HS2ST1: variants seen among roughly 807,000 people sequenced by gnomAD.
HS2ST1 encodes heparan sulfate 2-O-sulfotransferase 1.
Under a neutral mutation model 42.9 loss-of-function variants are expected in HS2ST1, and 18 were observed. The observed-to-expected ratio is 0.42, with a 90% CI of 0.29 to 0.62. The LOEUF is 0.62. Among genes scored for constraint, HS2ST1 ranks in the 20% least tolerant of loss-of-function variants. HS2ST1 has a pLI of 0.21. For synonymous variants in HS2ST1, 146 were observed against 152.9 expected (o/e 0.95, Z 0.33); for missense variants, 334 against 433.8 (o/e 0.77, Z 2.04).
intron 1 of HS2ST1, among the ~76,000 whole-genome samples, chr1:86,922,650 T>G (rs1660324672): frequency 6.6e-6 from 1 of 152,232 alleles, no homozygotes; most frequent in Non-Finnish European, 1.5e-5. Flanking sequence ...TTAAAGATAT[T>G]GCTTCATTGT....
chr1:86,956,412 C>A (rs531005334), intron 1 of HS2ST1: 1 of 152,166 alleles, frequency 6.6e-6, no homozygotes, highest in African/African-American at 2.4e-5. Context: ...CCTCAAAGTT[C>A]TTTAAAACAG....
intron 1 of HS2ST1, among the ~76,000 whole-genome samples, chr1:86,922,035 G>A (rs7534276): frequency 0.029 from 4,381 of 152,120 alleles, 225 homozygotes; most frequent in African/African-American, 0.1. Context: ...GTTTAAATTC[G>A]TGAGTTGCTA....
chr1:87,071,252 A>G (rs1651396344), intron 1 of HS2ST1, among the ~76,000 whole-genome samples: 1 of 152,172 alleles, frequency 6.6e-6, no homozygotes, highest in Non-Finnish European at 1.5e-5. Context: ...AACCAAAATC[A>G]AAGATGCATG....
At chr1:86,919,356 G>A (rs1331242102) in intron 1 of HS2ST1, among the ~76,000 whole-genome samples, 1 of 152,076 alleles carries the variant, frequency 6.6e-6, no homozygotes, top group African/African-American at 2.4e-5. Context: ...TAGGGAAGTC[G>A]TTTTCATATT....
intron 1 of HS2ST1, among the ~76,000 whole-genome samples, chr1:87,028,523 G>A (rs767380832): frequency 2.6e-5 from 4 of 152,148 alleles, no homozygotes; most frequent in Non-Finnish European, 4.4e-5. Flanking sequence ...TTAAAAGAGC[G>A]TTTCTCACTG....
intron 1 of HS2ST1, among the ~76,000 whole-genome samples, chr1:86,973,756 T>C (rs1488180924): frequency 1.3e-5 from 2 of 152,190 alleles, no homozygotes; most frequent in Non-Finnish European, 2.9e-5. Flanking sequence ...TTTAATGAAA[T>C]TGATTTGAAA....
At chr1:87,069,129 C>T (rs1651335533) in intron 1 of HS2ST1, among the ~76,000 whole-genome samples, 1 of 152,102 alleles carries the variant, frequency 6.6e-6, no homozygotes, top group Admixed American at 6.5e-5. Flanking sequence ...CTCATGGATG[C>T]CAGAGGCAGA....
chr1:86,935,291 A>G (rs150524297), intron 1 of HS2ST1, among the ~76,000 whole-genome samples: 1 of 151,838 alleles, frequency 6.6e-6, no homozygotes, highest in African/African-American at 2.4e-5. Context: ...AGAATTGTTA[A>G]GTCATTAAAA....
intron 5 of HS2ST1, among the ~76,000 whole-genome samples, chr1:87,100,081 C>G (rs1021598388): frequency 6.6e-6 from 1 of 152,170 alleles, no homozygotes; most frequent in Non-Finnish European, 1.5e-5. Flanking sequence ...GCGTGCAAGC[C>G]GATGGTGAGC....
At chr1:87,048,604 A>G (rs1187863433) in intron 1 of HS2ST1, among the ~76,000 whole-genome samples, 2 of 129,794 alleles carry the variant, frequency 1.5e-5, no homozygotes, top group African/African-American at 5.1e-5. Context: ...TCATGCTTCT[A>G]GTCCCAGTTT....
chr1:87,076,506 A>G (rs1651548097), intron 2 of HS2ST1, among the ~76,000 whole-genome samples: 1 of 152,180 alleles, frequency 6.6e-6, no homozygotes, highest in Non-Finnish European at 1.5e-5. Context: ...TAGTTTAGAA[A>G]TTTTTTTAAA....
At chr1:86,920,013 A>G (rs1309251448) in intron 1 of HS2ST1, among the ~76,000 whole-genome samples, 1 of 152,220 alleles carries the variant, frequency 6.6e-6, no homozygotes, top group Non-Finnish European at 1.5e-5. Context: ...CCGAATTTCA[A>G]GAGCGCACTT....
At chr1:87,011,508 G>A (rs1649597091) in intron 1 of HS2ST1, among the ~76,000 whole-genome samples, 2 of 152,096 alleles carry the variant, frequency 1.3e-5, no homozygotes, top group South Asian at 2.1e-4. Context: ...CTCCCAAAGT[G>A]CTGAGATTAC....
chr1:86,999,046 T>G (rs901910681), intron 1 of HS2ST1, among the ~76,000 whole-genome samples: 9 of 152,172 alleles, frequency 5.9e-5, no homozygotes, highest in African/African-American at 2.2e-4. Flanking sequence ...TAGTTAACCC[T>G]CAAAGGGAAA....
At chr1:87,098,119 G>A (rs1652114144) in intron 5 of HS2ST1, 184 bp downstream of exon 5, 1 of 1,335,522 alleles carries the variant, frequency 7.5e-7, no homozygotes, top group East Asian at 3.1e-5. Flanking sequence ...CTCATGTAGA[G>A]TGATATCCTA....
chr1:86,939,419 ACT>A (rs1660719687), intron 1 of HS2ST1, among the ~76,000 whole-genome samples: 1 of 152,210 alleles, frequency 6.6e-6, no homozygotes, highest in African/African-American at 2.4e-5. Flanking sequence ...GCAAAAAATT[ACT>A]GTTTGTTGTC....
chr1:87,025,417 C>T (rs996316830), intron 1 of HS2ST1, among the ~76,000 whole-genome samples: 3 of 152,252 alleles, frequency 2.0e-5, no homozygotes, highest in Non-Finnish European at 4.4e-5. Context: ...TTGGCAGAAC[C>T]TAGCAGGAAG....
chr1:87,031,824 G>T (rs926473549), intron 1 of HS2ST1, among the ~76,000 whole-genome samples: 1 of 152,104 alleles, frequency 6.6e-6, no homozygotes, highest in Non-Finnish European at 1.5e-5. Context: ...TAATGGAAAT[G>T]GAAGAATTTG....
chr1:87,088,823 A>G (rs1651873643), intron 3 of HS2ST1, among the ~76,000 whole-genome samples: 1 of 151,976 alleles, frequency 6.6e-6, no homozygotes, highest in Non-Finnish European at 1.5e-5. Context: ...ATTTATTTAC[A>G]CTATCATCAG....
Sources: gnomAD v4.1 joint callset for allele counts (sites outside exome capture counted in the v4.1 genomes callset) on GRCh38, gnomAD v4.1.1 for gene constraint, MANE v1.5 for transcripts, NCBI Gene and HGNC (gene_info 2026-07-23, HGNC 2026-07-21) for gene names.